The following DACH2 variants were observed in gnomAD, a reference collection of about 807,000 sequenced individuals.
DACH2 encodes the protein dachshund family transcription factor 2.
In DACH2, 17 loss-of-function variants were observed where a neutral mutation model predicts 35.8. That is an observed-to-expected ratio of 0.48 (90% CI 0.33 to 0.71). The LOEUF (loss-of-function observed/expected upper bound fraction) is 0.71, where lower values mean the gene tolerates loss of function less well. Ranked by LOEUF, DACH2 falls within the 30% of genes least tolerant of loss-of-function variation. The pLI is 0.02. For synonymous variants in DACH2, 195 were observed against 177.3 expected (o/e 1.10, Z -0.79); for missense variants, 469 against 472.7 (o/e 0.99, Z 0.07).
intron 1 of DACH2, among the ~76,000 whole-genome samples, chrX:86,318,628 T>C (rs1156402010): frequency 9.0e-6 from 1 of 110,988 alleles, no homozygotes; most frequent in Non-Finnish European, 1.9e-5. Flanking sequence ...TTTAATATTA[T>C]TCTCTAAGAT....
chrX:86,665,537 A>G (rs2040657490), intron 4 of DACH2, among the ~76,000 whole-genome samples: 1 of 112,038 alleles, frequency 8.9e-6, no homozygotes, highest in Admixed American at 9.5e-5. Flanking sequence ...CTCTGCATTT[A>G]TAAGTGTTTA....
intron 1 of DACH2, among the ~76,000 whole-genome samples, chrX:86,310,178 C>A (rs1040365492): frequency 6.2e-5 from 7 of 112,279 alleles, no homozygotes; most frequent in Non-Finnish European, 1.3e-4. Flanking sequence ...ACTATGCAAC[C>A]TGTACTGCCT....
At chrX:86,773,770 C>CACACCA (rs1491190147) in intron 7 of DACH2, among the ~76,000 whole-genome samples, 1 of 111,327 alleles carries the variant, frequency 9.0e-6, no homozygotes, top group African/African-American at 3.3e-5. Flanking sequence ...TCTTTACCAC[C>CACACCA]TCACCACCAC....
At chrX:86,777,382 A>G (rs181536144) in intron 7 of DACH2, among the ~76,000 whole-genome samples, 114 of 110,686 alleles carry the variant, frequency 1.0e-3, no homozygotes, top group Admixed American at 9.7e-3. Context: ...GCATACCTTC[A>G]CACTTGTCCC....
chrX:86,395,849 C>T (rs866750601), intron 2 of DACH2, among the ~76,000 whole-genome samples: 1 of 111,674 alleles, frequency 9.0e-6, no homozygotes, highest in Middle Eastern at 4.6e-3. Flanking sequence ...AATAAACATA[C>T]GTGTGCATGT....
intron 2 of DACH2, among the ~76,000 whole-genome samples, chrX:86,457,179 T>A (rs2037490943): frequency 9.0e-6 from 1 of 111,434 alleles, no homozygotes; most frequent in Non-Finnish European, 1.9e-5. Flanking sequence ...GCCCAAGGCT[T>A]ATGAAAAAAA....
chrX:86,630,452 G>C (rs1457871646), intron 3 of DACH2, among the ~76,000 whole-genome samples: 1 of 109,554 alleles, frequency 9.1e-6, no homozygotes, highest in African/African-American at 3.3e-5. Flanking sequence ...GAGAGAGCTT[G>C]TGGCATATGA....
chrX:86,185,605 G>C (rs1175628732), intron 1 of DACH2, among the ~76,000 whole-genome samples: 1 of 111,299 alleles, frequency 9.0e-6, no homozygotes, highest in African/African-American at 3.3e-5. Context: ...TGCTGGTAGT[G>C]ATTTTTCTGT....
At chrX:86,793,330 G>A (rs2042204884) in intron 7 of DACH2, among the ~76,000 whole-genome samples, 1 of 110,654 alleles carries the variant, frequency 9.0e-6, no homozygotes, top group Non-Finnish European at 1.9e-5. Flanking sequence ...CCATTCAATA[G>A]GTGTAGTGTG....
chrX:86,359,397 G>T (rs138321939), intron 1 of DACH2, among the ~76,000 whole-genome samples: 8 of 110,866 alleles, frequency 7.2e-5, no homozygotes, highest in African/African-American at 2.6e-4. Flanking sequence ...TAGAGTGCAC[G>T]ATTTTCTAAT....
intron 1 of DACH2, among the ~76,000 whole-genome samples, chrX:86,254,658 ATT>A (rs59354977): frequency 2.0e-5 from 2 of 98,255 alleles, no homozygotes; most frequent in South Asian, 4.7e-4. Context: ...TTGTCTACTT[ATT>A]TTTTTTTTGT....
At chrX:86,772,836 G>T (rs1295968608) in intron 7 of DACH2, among the ~76,000 whole-genome samples, 2 of 111,193 alleles carry the variant, frequency 1.8e-5, no homozygotes, top group African/African-American at 6.5e-5. Flanking sequence ...ATCAGTAAAA[G>T]ACATTTAGAG....
At chrX:86,190,499 C>G (rs895490865) in intron 1 of DACH2, among the ~76,000 whole-genome samples, 7 of 112,007 alleles carry the variant, frequency 6.2e-5, no homozygotes, top group Non-Finnish European at 9.4e-5. Context: ...ATGCATATCT[C>G]TTACTCCTTC....
intron 4 of DACH2, among the ~76,000 whole-genome samples, chrX:86,664,116 C>T (rs1173577769): frequency 1.8e-5 from 2 of 111,893 alleles, no homozygotes; most frequent in Admixed American, 1.9e-4. Context: ...GGCTTTTAGA[C>T]TTGTTTCTAC....
At chrX:86,641,142 T>A (rs2040341526) in intron 3 of DACH2, among the ~76,000 whole-genome samples, 1 of 111,533 alleles carries the variant, frequency 9.0e-6, no homozygotes, top group Non-Finnish European at 1.9e-5. Flanking sequence ...AGAATATGGA[T>A]AGGAACAAAG....
intron 1 of DACH2, among the ~76,000 whole-genome samples, chrX:86,302,797 A>G: frequency 1.8e-5 from 2 of 110,450 alleles, no homozygotes; most frequent in Middle Eastern, 4.8e-3. Context: ...AGAGTCAAAT[A>G]TGTTTTAGGG....
intron 3 of DACH2, among the ~76,000 whole-genome samples, chrX:86,522,354 A>T (rs2038568026): frequency 8.9e-6 from 1 of 111,803 alleles, no homozygotes; most frequent in Non-Finnish European, 1.9e-5. Flanking sequence ...AGTAATCAAC[A>T]TATTAATTAA....
At chrX:86,665,354 T>C (rs757937286) in intron 4 of DACH2, among the ~76,000 whole-genome samples, 5 of 112,013 alleles carry the variant, frequency 4.5e-5, no homozygotes, top group Non-Finnish European at 7.5e-5. Flanking sequence ...CTGACTATTA[T>C]CATAGAAGAG....
intron 1 of DACH2, among the ~76,000 whole-genome samples, chrX:86,349,306 C>T (rs1038360330): frequency 5.4e-5 from 6 of 111,139 alleles, no homozygotes; most frequent in African/African-American, 2.0e-4. Context: ...CGGTTGATGG[C>T]CTGCTGGTGT....
Sources: allele counts gnomAD v4.1 joint callset (sites outside exome capture counted in the v4.1 genomes callset), GRCh38; gene constraint gnomAD v4.1.1; transcripts MANE v1.5; gene names NCBI Gene and HGNC (gene_info 2026-07-23, HGNC 2026-07-21).